TAFA2: variants seen among roughly 807,000 people sequenced by gnomAD.
The protein encoded by TAFA2 is TAFA chemokine like family member 2.
A neutral mutation model predicts 18.8 loss-of-function variants in TAFA2; 7 were observed. The observed-to-expected ratio is 0.37, with a 90% CI of 0.21 to 0.70. TAFA2 has a LOEUF of 0.70. Among genes scored for constraint, TAFA2 ranks in the 30% least tolerant of loss-of-function variants. The pLI is 0.53. For synonymous variants in TAFA2, 60 were observed against 54.2 expected, an observed-to-expected ratio of 1.11 and a Z score of -0.47; for missense variants, 122 against 158.1, an observed-to-expected ratio of 0.77 and a Z score of 1.23.
At chr12:61,743,903 A>G (rs953449155) in intron 4 of TAFA2, among the ~76,000 whole-genome samples, 1 of 152,118 alleles carries the variant, frequency 6.6e-6, no homozygotes, top group Non-Finnish European at 1.5e-5. Flanking sequence ...TTTGCCACTC[A>G]CAGTAGAGGA....
At position 61,850,769 on chromosome 12, in the gene TAFA2, C is replaced by A. The variant is rs11174198; in HGVS notation, c.106+16551G>T. ...GACGAAATTTTAAAGTATGCAATAC[C>A]TCACCCTCAAATATATTAAAAACTA... On this transcript the variant is annotated intron_variant, in intron 2 of 4. Coordinates refer to ENST00000416284, the MANE Select transcript of TAFA2 (RefSeq NM_178539.5). 2.0e-5 allele frequency among the ~76,000 whole-genome samples: 3 copies of A among 151,992 alleles called. No homozygotes were observed. In the East Asian group the frequency reaches 5.8e-4, roughly 29 times the overall value.
intron 1 of TAFA2, among the ~76,000 whole-genome samples, chr12:61,958,448 T>G (rs1363469805): frequency 1.3e-5 from 2 of 152,084 alleles, no homozygotes; most frequent in Non-Finnish European, 2.9e-5. Flanking sequence ...CAACAATAGA[T>G]AAGTACCTTT....
intron 2 of TAFA2, among the ~76,000 whole-genome samples, chr12:61,841,954 G>GA (rs1565652941): frequency 6.6e-6 from 1 of 151,996 alleles, no homozygotes; most frequent in Non-Finnish European, 1.5e-5. Flanking sequence ...AAAGATGGAA[G>GA]ACCAAATAGA....
At chr12:61,746,635 A>C (rs1275128640) in intron 4 of TAFA2, among the ~76,000 whole-genome samples, 1 of 152,150 alleles carries the variant, frequency 6.6e-6, no homozygotes, top group Non-Finnish European at 1.5e-5. Flanking sequence ...AAAGATAATT[A>C]CTGGATATTG....
chr12:61,810,615 T>C (rs1871826098), intron 2 of TAFA2, among the ~76,000 whole-genome samples: 1 of 151,154 alleles, frequency 6.6e-6, no homozygotes, highest in Admixed American at 6.6e-5. Flanking sequence ...TTTCCATGTT[T>C]GAGAGTTGTT....
chr12:62,214,749 C>A (rs114691476), intron 1 of TAFA2, among the ~76,000 whole-genome samples: 1,744 of 152,102 alleles, frequency 0.011, 32 homozygotes, highest in African/African-American at 0.039. Flanking sequence ...AAAAAATGAA[C>A]CTGCTGACCC....
At chr12:62,012,287 T>C (rs1442850991) in intron 1 of TAFA2, among the ~76,000 whole-genome samples, 1 of 152,162 alleles carries the variant, frequency 6.6e-6, no homozygotes, top group Non-Finnish European at 1.5e-5. Flanking sequence ...AAAGGAAATA[T>C]AGAAAACAAA....
chr12:62,099,660 C>G (rs1259100669), intron 1 of TAFA2, among the ~76,000 whole-genome samples: 1 of 152,042 alleles, frequency 6.6e-6, no homozygotes, highest in African/African-American at 2.4e-5. Flanking sequence ...TAAATTTTGC[C>G]AAGCATATGA....
At chr12:61,891,665 G>GA (rs376349038) in intron 1 of TAFA2, among the ~76,000 whole-genome samples, 5 of 151,804 alleles carry the variant, frequency 3.3e-5, no homozygotes, top group African/African-American at 1.2e-4. Flanking sequence ...GAAAAGAAAA[G>GA]AAAAAAGAAG....
At chr12:61,711,817 AAGG>A (rs1869421990) in intron 4 of TAFA2, among the ~76,000 whole-genome samples, 1 of 152,032 alleles carries the variant, frequency 6.6e-6, no homozygotes, top group Non-Finnish European at 1.5e-5. Flanking sequence ...AAGTTGTGCC[AAGG>A]ATGGAGGGTT....
intron 2 of TAFA2, among the ~76,000 whole-genome samples, chr12:61,842,737 T>A (rs1190261671): frequency 6.6e-6 from 1 of 151,726 alleles, no homozygotes; most frequent in Non-Finnish European, 1.5e-5. Flanking sequence ...TACAAAAGAG[T>A]AACCACAGAC....
intron 2 of TAFA2, among the ~76,000 whole-genome samples, chr12:61,859,711 G>A (rs1426799198): frequency 6.6e-6 from 1 of 152,188 alleles, no homozygotes; most frequent in East Asian, 1.9e-4. Flanking sequence ...CAAAGTGCTG[G>A]GATTACAGGC....
chr12:62,035,095 C>G (rs1881562878), intron 1 of TAFA2, among the ~76,000 whole-genome samples: 1 of 152,134 alleles, frequency 6.6e-6, no homozygotes, highest in African/African-American at 2.4e-5. Flanking sequence ...AATGCCTTAT[C>G]AATTTAAAGG....
intron 1 of TAFA2, among the ~76,000 whole-genome samples, chr12:61,903,469 G>A (rs1054128630): frequency 1.3e-5 from 2 of 151,962 alleles, no homozygotes; most frequent in African/African-American, 4.8e-5. Flanking sequence ...AAATGTTTTG[G>A]TATATTTTCT....
intron 2 of TAFA2, among the ~76,000 whole-genome samples, chr12:61,811,375 GATT>G (rs1233220666): frequency 6.6e-6 from 1 of 151,400 alleles, no homozygotes; most frequent in African/African-American, 2.5e-5. Context: ...TATATTGGAA[GATT>G]ATTGTGTGAT....
intron 1 of TAFA2, among the ~76,000 whole-genome samples, chr12:62,201,256 G>A (rs543914389): frequency 3.9e-5 from 6 of 152,064 alleles, no homozygotes; most frequent in Admixed American, 6.6e-5. Flanking sequence ...GACTTCCCTG[G>A]CCAGAACTTC....
At chr12:62,140,818 G>C (rs559877507) in intron 1 of TAFA2, among the ~76,000 whole-genome samples, 17 of 152,256 alleles carry the variant, frequency 1.1e-4, no homozygotes, top group Non-Finnish European at 1.6e-4. Flanking sequence ...GGAAATACAA[G>C]AGACTAGCTG....
At chr12:61,787,583 G>C (rs1870791710) in intron 2 of TAFA2, among the ~76,000 whole-genome samples, 1 of 151,638 alleles carries the variant, frequency 6.6e-6, no homozygotes, top group Admixed American at 6.6e-5. Context: ...GAGGACGAAA[G>C]TCTAGAGTAC....
At chr12:62,221,163 A>C (rs2062759314) in intron 1 of TAFA2, among the ~76,000 whole-genome samples, 1 of 129,482 alleles carries the variant, frequency 7.7e-6, no homozygotes, top group South Asian at 3.0e-4. Flanking sequence ...AAAGGAAGGG[A>C]AAGGTAAGGA....
Sources: allele counts gnomAD v4.1 joint callset (sites outside exome capture counted in the v4.1 genomes callset), GRCh38; gene constraint gnomAD v4.1.1; transcripts MANE v1.5; gene names NCBI Gene and HGNC (gene_info 2026-07-23, HGNC 2026-07-21).